The following PRKG1 variants were observed in gnomAD, a reference collection of about 807,000 sequenced individuals.
The protein encoded by PRKG1 is cGMP-dependent protein kinase 1.
Under a neutral mutation model 88.1 loss-of-function variants are expected in PRKG1, and 35 were observed. The observed-to-expected ratio is 0.40, with a 90% CI of 0.30 to 0.53. The LOEUF is 0.53. PRKG1 is among the 20% of genes least tolerant of loss of function. The pLI is 0.59. For missense variants in PRKG1, 540 were observed against 839.8 expected (o/e 0.64, Z 4.41); for synonymous variants, 303 against 292.5 (o/e 1.04, Z -0.37).
intron 1 of PRKG1, among the ~76,000 whole-genome samples, chr10:51,147,448 AAC>A (rs968482428): frequency 2.7e-5 from 4 of 145,838 alleles, no homozygotes; most frequent in African/African-American, 7.7e-5. Context: ...GGAAAAAAAA[AAC>A]GAAGGAAAAT....
intron 5 of PRKG1, among the ~76,000 whole-genome samples, chr10:51,987,164 G>A (rs1462674839): frequency 6.6e-6 from 1 of 152,014 alleles, no homozygotes. Context: ...TCTTAAAGTT[G>A]GGTGGTTCAG....
At chr10:51,930,763 T>G (rs1056429020) in intron 5 of PRKG1, among the ~76,000 whole-genome samples, 2 of 152,148 alleles carry the variant, frequency 1.3e-5, no homozygotes, top group African/African-American at 2.4e-5. Context: ...AGTGGTGGGA[T>G]TACAGGTGTC....
At chr10:51,626,316 T>C (rs1215590791) in intron 3 of PRKG1, among the ~76,000 whole-genome samples, 1 of 152,218 alleles carries the variant, frequency 6.6e-6, no homozygotes, top group East Asian at 1.9e-4. Flanking sequence ...AATTTTGTTT[T>C]AGAAAAACAT....
chr10:51,295,645 CTTCTTTTCTT>C (rs61664932), intron 2 of PRKG1, among the ~76,000 whole-genome samples: 4 of 150,950 alleles, frequency 2.6e-5, no homozygotes, highest in Middle Eastern at 3.2e-3. Flanking sequence ...TTCCTTTCCT[CTTCTTTTCTT>C]TTCTTTTCTT....
intron 7 of PRKG1, among the ~76,000 whole-genome samples, chr10:52,104,941 A>C (rs1426845556): frequency 6.6e-6 from 1 of 152,246 alleles, no homozygotes; most frequent in Non-Finnish European, 1.5e-5. Context: ...GGAAATAAAC[A>C]TATTTTCAAT....
intron 2 of PRKG1, among the ~76,000 whole-genome samples, chr10:51,298,679 G>A (rs1263297100): frequency 6.6e-6 from 1 of 152,152 alleles, no homozygotes; most frequent in African/African-American, 2.4e-5. Context: ...CTGATCTAAG[G>A]TAGAAACATT....
At chr10:51,992,098 A>G (rs1199013817) in intron 5 of PRKG1, among the ~76,000 whole-genome samples, 7 of 152,218 alleles carry the variant, frequency 4.6e-5, no homozygotes, top group Admixed American at 4.6e-4. Flanking sequence ...TTTAATTTAG[A>G]TATGGAAACT....
intron 3 of PRKG1, chr10:51,696,522 C>T (rs757322539): frequency 1.2e-4 from 19 of 152,068 alleles, no homozygotes; most frequent in Admixed American, 4.6e-4. Context: ...TTCATCAGAG[C>T]AGACTTAAGT....
intron 3 of PRKG1, among the ~76,000 whole-genome samples, chr10:51,764,001 C>T (rs1437948650): frequency 6.6e-6 from 1 of 152,202 alleles, no homozygotes; most frequent in African/African-American, 2.4e-5. Flanking sequence ...TTCATGAAGT[C>T]AGAGCCCTGA....
At chr10:51,310,570 A>G (rs761730082) in intron 2 of PRKG1, among the ~76,000 whole-genome samples, 45 of 152,206 alleles carry the variant, frequency 3.0e-4, no homozygotes, top group Admixed American at 7.9e-4. Context: ...GTGGCCTCTT[A>G]TACTTGGCTG....
At chr10:52,157,023 G>T (rs1314533206) in intron 8 of PRKG1, among the ~76,000 whole-genome samples, 1 of 151,112 alleles carries the variant, frequency 6.6e-6, no homozygotes, top group Non-Finnish European at 1.5e-5. Context: ...TACACTTTTT[G>T]ACTTATAACA....
At chr10:52,067,882 T>G (rs1188241310) in intron 7 of PRKG1, among the ~76,000 whole-genome samples, 4 of 152,120 alleles carry the variant, frequency 2.6e-5, no homozygotes, top group South Asian at 4.1e-4. Flanking sequence ...AGTCAATCCA[T>G]CTATACTTTG....
chr10:52,043,114 C>A (rs1394043138), intron 5 of PRKG1, among the ~76,000 whole-genome samples: 4 of 151,944 alleles, frequency 2.6e-5, no homozygotes, highest in Non-Finnish European at 5.9e-5. Context: ...GAATCTTATT[C>A]TTTGTAGGAA....
intron 9 of PRKG1, among the ~76,000 whole-genome samples, chr10:52,166,829 G>GTATATATATATT (rs550569578): frequency 1.8e-4 from 1 of 5,580 alleles, no homozygotes; most frequent in Non-Finnish European, 3.6e-4. Flanking sequence ...GTATATATAT[G>GTATATATATATT]TATATATATG....
intron 3 of PRKG1, among the ~76,000 whole-genome samples, chr10:51,709,271 C>G (rs1412430304): frequency 6.6e-6 from 1 of 152,180 alleles, no homozygotes; most frequent in African/African-American, 2.4e-5. Flanking sequence ...GGTGAATACA[C>G]TGTACTTTTA....
chr10:51,626,875 T>C (rs927156771), intron 3 of PRKG1, among the ~76,000 whole-genome samples: 1 of 152,184 alleles, frequency 6.6e-6, no homozygotes, highest in African/African-American at 2.4e-5. Context: ...TAAGGCTAGA[T>C]GTTAAATTTT....
At chr10:52,072,158 C>CTTTTTTTTTTTTTTTTTTTTTTTTCT (rs1846513595) in intron 7 of PRKG1, among the ~76,000 whole-genome samples, 2 of 39,556 alleles carry the variant, frequency 5.1e-5, no homozygotes, top group African/African-American at 1.1e-4. Context: ...TATTGTTTTG[C>CTTTTTTTTTTTTTTTTTTTTTTTTCT]TTTTTTTTTT....
intron 5 of PRKG1, among the ~76,000 whole-genome samples, chr10:51,959,374 C>G (rs146284238): frequency 1.8e-4 from 27 of 152,152 alleles, no homozygotes; most frequent in South Asian, 6.2e-4. Context: ...GTTTGTGAAA[C>G]CTATCAAAGA....
chr10:51,679,683 A>C (rs1339082750), intron 3 of PRKG1, among the ~76,000 whole-genome samples: 1 of 149,180 alleles, frequency 6.7e-6, no homozygotes, highest in Non-Finnish European at 1.5e-5. Flanking sequence ...AGGCAGGAGA[A>C]TAGGGTCTGG....
Sources: allele counts gnomAD v4.1 joint callset (sites outside exome capture counted in the v4.1 genomes callset), GRCh38; gene constraint gnomAD v4.1.1; transcripts MANE v1.5; gene names NCBI Gene and HGNC (gene_info 2026-07-23, HGNC 2026-07-21).